CSMD3: variants seen among roughly 807,000 people sequenced by gnomAD.
CSMD3 encodes CUB and Sushi multiple domains 3.
CSMD3 carries 177 observed loss-of-function variants against 435.2 expected under a neutral mutation model. That is an observed-to-expected ratio of 0.41 (90% CI 0.36 to 0.46). The LOEUF (loss-of-function observed/expected upper bound fraction) is 0.46, where lower values mean the gene tolerates loss of function less well. Ranked by LOEUF, CSMD3 falls within the 20% of genes least tolerant of loss-of-function variation. CSMD3 has a pLI of 0.34. For missense variants in CSMD3, 4,265 were observed against 4,504.6 expected, an observed-to-expected ratio of 0.95 and a Z score of 1.52; for synonymous variants, 1,656 against 1,520.5, an observed-to-expected ratio of 1.09 and a Z score of -2.07.
intron 13 of CSMD3, among the ~76,000 whole-genome samples, chr8:112,709,958 A>T (rs1172979706): frequency 1.3e-5 from 2 of 152,092 alleles, no homozygotes; most frequent in Non-Finnish European, 2.9e-5. Flanking sequence ...TGTAATTTTT[A>T]AAATGCTAAA....
intron 5 of CSMD3, among the ~76,000 whole-genome samples, chr8:113,030,634 A>G (rs2087067101): frequency 6.6e-6 from 1 of 151,304 alleles, no homozygotes; most frequent in South Asian, 2.1e-4. Context: ...ATTAAGCCCA[A>G]AAACAATATT....
At chr8:112,865,275 T>G (rs2080945061) in intron 10 of CSMD3, among the ~76,000 whole-genome samples, 3 of 152,138 alleles carry the variant, frequency 2.0e-5, no homozygotes, top group African/African-American at 7.2e-5. Context: ...ACATTTTATT[T>G]TTTGGCTGAG....
intron 68 of CSMD3, among the ~76,000 whole-genome samples, chr8:112,232,811 C>A (rs940254962): frequency 6.6e-6 from 1 of 152,030 alleles, no homozygotes. Context: ...AACCACTTGC[C>A]CCTCTGAGAG....
intron 5 of CSMD3, among the ~76,000 whole-genome samples, chr8:113,054,492 A>C (rs932492742): frequency 6.6e-6 from 1 of 152,128 alleles, no homozygotes; most frequent in African/African-American, 2.4e-5. Flanking sequence ...TCTTATATGT[A>C]TCTTTATTAT....
chr8:113,368,454 T>C (rs994744706), intron 1 of CSMD3, among the ~76,000 whole-genome samples: 1 of 152,142 alleles, frequency 6.6e-6, no homozygotes, highest in African/African-American at 2.4e-5. Context: ...TCTATGAGTG[T>C]GTACGTCTTC....
intron 12 of CSMD3, among the ~76,000 whole-genome samples, chr8:112,827,868 C>T (rs1053327931): frequency 1.3e-5 from 2 of 152,242 alleles, no homozygotes; most frequent in Middle Eastern, 3.4e-3. Context: ...GAAGACAGTC[C>T]TAGCCAATTT....
chr8:112,855,546 G>A (rs1324861803), intron 11 of CSMD3, among the ~76,000 whole-genome samples: 1 of 152,008 alleles, frequency 6.6e-6, no homozygotes, highest in Non-Finnish European at 1.5e-5. Flanking sequence ...TAAGTATCAT[G>A]AGTTCTATAT....
chr8:112,263,007 G>A (rs1225468606), intron 61 of CSMD3, among the ~76,000 whole-genome samples: 1 of 152,040 alleles, frequency 6.6e-6, no homozygotes, highest in Non-Finnish European at 1.5e-5. Flanking sequence ...CTCTCTGAAT[G>A]ACTATACTGT....
chr8:113,083,873 C>G (rs1564293674), intron 5 of CSMD3, among the ~76,000 whole-genome samples: 1 of 151,922 alleles, frequency 6.6e-6, no homozygotes, highest in Non-Finnish European at 1.5e-5. Context: ...ACTCAGAAGG[C>G]TGATACAGGA....
At chr8:113,246,100 A>T (rs1038301826) in intron 3 of CSMD3, among the ~76,000 whole-genome samples, 1 of 151,976 alleles carries the variant, frequency 6.6e-6, no homozygotes, top group African/African-American at 2.4e-5. Context: ...TCTTACTTGA[A>T]TTTATAGATT....
intron 3 of CSMD3, among the ~76,000 whole-genome samples, chr8:113,270,971 A>T (rs1229992810): frequency 1.6e-5 from 2 of 122,694 alleles, no homozygotes; most frequent in Non-Finnish European, 3.2e-5. Context: ...AACTTAAAGT[A>T]TAATCAAAAA....
chr8:113,045,931 T>G (rs1416376133), intron 5 of CSMD3, among the ~76,000 whole-genome samples: 3 of 149,624 alleles, frequency 2.0e-5, no homozygotes, highest in Non-Finnish European at 4.5e-5. Context: ...CAGAATTTTC[T>G]TTTAGACCAA....
chr8:113,277,888 G>C (rs974450919), intron 3 of CSMD3, among the ~76,000 whole-genome samples: 11 of 150,368 alleles, frequency 7.3e-5, no homozygotes, highest in Middle Eastern at 3.4e-3. Flanking sequence ...TTTTTAAAAA[G>C]CAAAACATGT....
chr8:113,298,344 T>C (rs1242587343), intron 2 of CSMD3, among the ~76,000 whole-genome samples: 2 of 152,104 alleles, frequency 1.3e-5, no homozygotes, highest in South Asian at 2.1e-4. Context: ...TAACAAGACA[T>C]TGATATGATA....
chr8:112,752,925 G>GTA (rs1563926874), intron 13 of CSMD3, among the ~76,000 whole-genome samples: 1 of 151,474 alleles, frequency 6.6e-6, no homozygotes. Flanking sequence ...GTGTGTGTGT[G>GTA]TGTGTGTGTG....
chr8:112,458,142 G>A (rs563864698), intron 32 of CSMD3, among the ~76,000 whole-genome samples: 12 of 151,288 alleles, frequency 7.9e-5, no homozygotes, highest in East Asian at 1.9e-4. Context: ...ACATATTAGC[G>A]CAGTATTTTC....
At chr8:113,308,765 C>A (rs1239061926) in intron 2 of CSMD3, among the ~76,000 whole-genome samples, 1 of 151,738 alleles carries the variant, frequency 6.6e-6, no homozygotes, top group African/African-American at 2.4e-5. Context: ...TGTTTTCAAC[C>A]CCGTATAAGT....
At chr8:112,887,014 T>A (rs1409954094) in intron 10 of CSMD3, among the ~76,000 whole-genome samples, 1 of 151,488 alleles carries the variant, frequency 6.6e-6, no homozygotes, top group African/African-American at 2.4e-5. Context: ...ATGGTCCAAA[T>A]CTTGGCTCTA....
At chr8:113,255,472 A>G (rs1479146222) in intron 3 of CSMD3, among the ~76,000 whole-genome samples, 1 of 152,100 alleles carries the variant, frequency 6.6e-6, no homozygotes, top group African/African-American at 2.4e-5. Context: ...ATAGAAAAAT[A>G]ATGACAAAAC....
Sources: gnomAD v4.1 joint callset for allele counts (sites outside exome capture counted in the v4.1 genomes callset) on GRCh38, gnomAD v4.1.1 for gene constraint, MANE v1.5 for transcripts, NCBI Gene and HGNC (gene_info 2026-07-23, HGNC 2026-07-21) for gene names.